The following PSD3 variants were observed in gnomAD, a reference collection of about 807,000 sequenced individuals.
PSD3 encodes the protein PH and SEC7 domain-containing protein 3.
In PSD3, 49 loss-of-function variants were observed where a neutral mutation model predicts 105.5. The ratio of observed to expected loss-of-function variants is 0.46; its 90% confidence interval spans 0.37 to 0.59. The LOEUF (loss-of-function observed/expected upper bound fraction) is 0.59, where lower values mean the gene tolerates loss of function less well. Ranked by LOEUF, PSD3 falls within the 20% of genes least tolerant of loss-of-function variation. The probability of loss-of-function intolerance (pLI) is 0.00; values close to 1 mark genes in which losing one functional copy is unlikely to be tolerated. For synonymous variants in PSD3, 557 were observed against 457.8 expected (o/e 1.22, Z -2.77); for missense variants, 1,561 against 1,263.8 (o/e 1.24, Z -3.57).
chr8:18,779,666 TTTTG>T (rs1430062480), intron 8 of PSD3, among the ~76,000 whole-genome samples: 7 of 152,328 alleles, frequency 4.6e-5, no homozygotes, highest in African/African-American at 1.7e-4. Context: ...TCAAGAAACT[TTTTG>T]TTTCTTATTT....
intron 4 of PSD3, among the ~76,000 whole-genome samples, chr8:18,826,472 A>G (rs1293698466): frequency 6.6e-6 from 1 of 152,226 alleles, no homozygotes; most frequent in Non-Finnish European, 1.5e-5. Context: ...ATGGCTCATC[A>G]AACAGCACAT....
chr8:18,986,659 G>T (rs879763142), intron 1 of PSD3, among the ~76,000 whole-genome samples: 2 of 151,488 alleles, frequency 1.3e-5, no homozygotes, highest in Admixed American at 1.3e-4. Context: ...ATATTACTAT[G>T]GCTCTTTTTG....
At chr8:19,073,940 G>C (rs1479253482) in intron 1 of PSD3, among the ~76,000 whole-genome samples, 1 of 151,862 alleles carries the variant, frequency 6.6e-6, no homozygotes, top group Non-Finnish European at 1.5e-5. Context: ...ACAGGCGCCT[G>C]CCACCACGCC....
chr8:18,659,978 A>C (rs966013642), intron 9 of PSD3, among the ~76,000 whole-genome samples: 2 of 152,196 alleles, frequency 1.3e-5, no homozygotes, highest in Non-Finnish European at 2.9e-5. Context: ...TTAATGGGAC[A>C]GGGCAGCCCA....
intron 11 of PSD3, among the ~76,000 whole-genome samples, chr8:18,622,228 G>A (rs1438527394): frequency 3.3e-5 from 5 of 152,266 alleles, no homozygotes; most frequent in African/African-American, 1.2e-4. Flanking sequence ...AAAAGAATGT[G>A]ATTAAAATAT....
At chr8:18,661,640 G>A (rs577808182) in intron 9 of PSD3, among the ~76,000 whole-genome samples, 2 of 152,256 alleles carry the variant, frequency 1.3e-5, no homozygotes, top group East Asian at 1.9e-4. Context: ...CCGCACCAGT[G>A]GAGGTCCTTA....
chr8:18,940,387 G>A (rs929850478), intron 1 of PSD3: 1 of 152,214 alleles, frequency 6.6e-6, no homozygotes, highest in Admixed American at 6.5e-5. Context: ...CAGCTTTGAG[G>A]AGCAAGGCTT....
chr8:18,824,589 T>C (rs1586141708), intron 4 of PSD3, among the ~76,000 whole-genome samples: 1 of 152,180 alleles, frequency 6.6e-6, no homozygotes, highest in African/African-American at 2.4e-5. Context: ...TTTTACAAAA[T>C]AGAAATAGAA....
chr8:18,722,047 C>T (rs998456361), intron 9 of PSD3, among the ~76,000 whole-genome samples: 13 of 151,958 alleles, frequency 8.6e-5, no homozygotes, highest in African/African-American at 2.7e-4. Context: ...GACATACAGA[C>T]TATGATTGTT....
chr8:19,069,243 C>A (rs1312036816), intron 1 of PSD3, among the ~76,000 whole-genome samples: 1 of 152,156 alleles, frequency 6.6e-6, no homozygotes, highest in East Asian at 1.9e-4. Flanking sequence ...GTTTTAAAAT[C>A]TAATATAACA....
At chr8:18,736,463 G>A (rs1028445961) in intron 9 of PSD3, among the ~76,000 whole-genome samples, 9 of 152,168 alleles carry the variant, frequency 5.9e-5, no homozygotes, top group East Asian at 1.9e-4. Context: ...ATTTATAGAC[G>A]AGTATGTGTT....
At chr8:18,747,996 G>A (rs181665425) in intron 9 of PSD3, among the ~76,000 whole-genome samples, 1 of 152,174 alleles carries the variant, frequency 6.6e-6, no homozygotes, top group African/African-American at 2.4e-5. Context: ...TGTACTAGAA[G>A]CTTTAAGGGC....
chr8:18,664,529 A>G (rs1809576560), intron 9 of PSD3, among the ~76,000 whole-genome samples: 1 of 152,226 alleles, frequency 6.6e-6, no homozygotes, highest in African/African-American at 2.4e-5. Flanking sequence ...AGGTTTAAGG[A>G]AAGAAGCAGA....
chr8:18,962,986 C>T (rs771104943), intron 1 of PSD3, among the ~76,000 whole-genome samples: 39 of 152,294 alleles, frequency 2.6e-4, no homozygotes, highest in Non-Finnish European at 4.8e-4. Flanking sequence ...TAAAGACATA[C>T]CTGAGACTGG....
intron 1 of PSD3, among the ~76,000 whole-genome samples, chr8:18,977,050 A>G (rs1824980232): frequency 6.6e-6 from 1 of 152,146 alleles, no homozygotes; most frequent in South Asian, 2.1e-4. Flanking sequence ...ATCTGAGGTC[A>G]GGAGTTGGAG....
intron 2 of PSD3, among the ~76,000 whole-genome samples, chr8:18,891,312 A>C (rs1324972857): frequency 6.6e-6 from 1 of 152,212 alleles, no homozygotes; most frequent in African/African-American, 2.4e-5. Context: ...TTGCATATAT[A>C]AAATCACATA....
chr8:18,721,563 T>C (rs1004234707), intron 9 of PSD3, among the ~76,000 whole-genome samples: 5 of 152,136 alleles, frequency 3.3e-5, no homozygotes, highest in Non-Finnish European at 5.9e-5. Flanking sequence ...GAAGGTGATA[T>C]TGTATAAGGT....
intron 10 of PSD3, among the ~76,000 whole-genome samples, chr8:18,653,095 C>G (rs756443132): frequency 1.3e-5 from 2 of 152,140 alleles, no homozygotes; most frequent in Non-Finnish European, 2.9e-5. Context: ...CATTCCAAGA[C>G]TTAGTTGACC....
chr8:18,738,832 A>C (rs1414514977), intron 9 of PSD3, among the ~76,000 whole-genome samples: 1 of 151,970 alleles, frequency 6.6e-6, no homozygotes, highest in African/African-American at 2.4e-5. Context: ...CGAAAAAAAA[A>C]AACAAAAACA....
Sources: gnomAD v4.1 joint callset for allele counts (sites outside exome capture counted in the v4.1 genomes callset) on GRCh38, gnomAD v4.1.1 for gene constraint, MANE v1.5 for transcripts, NCBI Gene and HGNC (gene_info 2026-07-23, HGNC 2026-07-21) for gene names.